The following ELOVL2 variants were observed in gnomAD, a reference collection of about 807,000 sequenced individuals.
ELOVL2 encodes ELOVL fatty acid elongase 2.
Under a neutral mutation model 37.7 loss-of-function variants are expected in ELOVL2, and 38 were observed. The ratio of observed to expected loss-of-function variants is 1.01; its 90% CI spans 0.78 to 1.32. ELOVL2 has a LOEUF of 1.32. ELOVL2 is among the 40% of genes most tolerant of loss of function. The pLI is 0.00. For synonymous variants in ELOVL2, 115 were observed against 122.3 expected, an observed-to-expected ratio of 0.94 and a Z score of 0.40; for missense variants, 352 against 363.6, an observed-to-expected ratio of 0.97 and a Z score of 0.26.
chr6:11,039,888 G>GAT (rs1783073142), intron 1 of ELOVL2, among the ~76,000 whole-genome samples: 2 of 152,128 alleles, frequency 1.3e-5, no homozygotes, highest in Non-Finnish European at 2.9e-5. Flanking sequence ...CTGACAACAT[G>GAT]AAAAAGGGCT....
At chr6:10,983,980 T>G (rs1217738685) in intron 7 of ELOVL2, 74 bp from the exon 8 acceptor site, 2 of 1,305,774 alleles carry the variant, frequency 1.5e-6, no homozygotes. Context: ...ACAGTGCATA[T>G]AGTTAAAACA....
chr6:10,987,248 T>C, intron 7 of ELOVL2, among the ~76,000 whole-genome samples: 1 of 152,216 alleles, frequency 6.6e-6, no homozygotes. Flanking sequence ...TTTTCTTCTT[T>C]ATTAGTCTTG....
Position 10,995,066 on chromosome 6 carries a change from T to A in ELOVL2, c.446A>T (p.His149Leu), listed in dbSNP as rs755762314. 1 of 1,613,136 alleles carries A rather than the reference T, an allele frequency of 6.2e-7. No homozygotes were observed. The highest frequency in any genetic ancestry group is 2.2e-5 in the East Asian group (1 of 44,876). ...CCAGATGTTAAACATAGAAGCATGA[T>A]GATATACATGAAGAAAAGTAATCTG... ...TSQITFLHVY[H>L]HASMFNIWWC... The change falls in exon 5 of 8, where the codon CAT (histidine) becomes CTT (leucine). Residue 149 changes from histidine to leucine, a missense_variant. Physicochemically the swap from His to Leu is moderately conservative, Grantham distance 99. Transcript: ENST00000354666.
At position 11,044,081 on chromosome 6, in the gene ELOVL2, G is replaced by T; in HGVS notation, c.3+147C>A. 3.7e-6 allele frequency: 4 copies of T among 1,076,930 alleles called. No homozygotes were observed. The highest frequency in any genetic ancestry group is 4.8e-6 in the Non-Finnish European group (4 of 830,774). The allele number at this position is 1,076,930 out of a possible 1,614,324, so 66.7% of individuals were successfully genotyped here. Reference sequence around the variant, plus strand: ...AGCTCCCGCTCCCCAGGCCCGCGCGGACCCGGCCCCTCCGAGGGTAGCGGG... The same window carrying T: ...AGCTCCCGCTCCCCAGGCCCGCGCGTACCCGGCCCCTCCGAGGGTAGCGGG... On this transcript the variant is annotated intron_variant, in intron 1 of 7. Coordinates refer to ENST00000354666, the MANE Select transcript of ELOVL2 (RefSeq NM_017770.4). The surrounding 1 kb of genome is among the most constrained non-coding windows in gnomAD (Gnocchi z 5.6).
At chr6:10,990,674 C>T (rs890409179) in intron 5 of ELOVL2, among the ~76,000 whole-genome samples, 3 of 40,118 alleles carry the variant, frequency 7.5e-5, no homozygotes, top group Non-Finnish European at 1.5e-4. Flanking sequence ...AATGCCCCCC[C>T]CCCGCCACAC....
chr6:10,991,049 G>T (rs1782150196), intron 5 of ELOVL2, among the ~76,000 whole-genome samples: 2 of 152,174 alleles, frequency 1.3e-5, no homozygotes, highest in African/African-American at 4.8e-5. Context: ...GAGACTTTTA[G>T]GATGAGGGAT....
At chr6:11,025,555 T>C (rs1226132460) in intron 1 of ELOVL2, among the ~76,000 whole-genome samples, 5 of 152,224 alleles carry the variant, frequency 3.3e-5, no homozygotes, top group African/African-American at 7.2e-5. Context: ...GTGTAACTTC[T>C]AGTAGTTTTA....
intron 3 of ELOVL2, among the ~76,000 whole-genome samples, chr6:11,005,046 C>A (rs1782454933): frequency 6.6e-6 from 1 of 152,036 alleles, no homozygotes; most frequent in African/African-American, 2.4e-5. Flanking sequence ...GTAATCCCAG[C>A]TATTCAGGAG....
chr6:11,013,923 A>ACC (rs1782626573), intron 1 of ELOVL2, among the ~76,000 whole-genome samples: 1 of 152,012 alleles, frequency 6.6e-6, no homozygotes, highest in South Asian at 2.1e-4. Flanking sequence ...TATGGCCACA[A>ACC]CTTAGCCTCC....
chr6:10,990,283 C>T (rs762994521), intron 6 of ELOVL2, 35 bp downstream of exon 6: 52 of 1,603,892 alleles, frequency 3.2e-5, no homozygotes, highest in Non-Finnish European at 4.2e-5. Context: ...ATCCATAAGC[C>T]ACATGGAGAA....
At chr6:11,031,397 T>C (rs1157507250) in intron 1 of ELOVL2, among the ~76,000 whole-genome samples, 2 of 152,250 alleles carry the variant, frequency 1.3e-5, no homozygotes, top group Admixed American at 1.3e-4. Flanking sequence ...TTGTTAAATT[T>C]TGCCAAGTTC....
Position 10,988,043 on chromosome 6 carries a change from AG to A in ELOVL2, c.765+1659del, listed in dbSNP as rs200123482. Among the ~76,000 whole-genome samples the A allele has an allele frequency of 3.0e-3, 454 of 152,312 alleles. 3 individuals are homozygous for A. The highest frequency in any genetic ancestry group is 0.021 in the South Asian group (100 of 4,824). On this transcript the variant is annotated intron_variant, in intron 7 of 7. Coordinates refer to ENST00000354666, the MANE Select transcript of ELOVL2 (RefSeq NM_017770.4). Reference sequence around the variant, plus strand: ...GGGCTATACGCTTCTCTTCAACACGAGGTACCAAAATCACTCCCTTAGCTTC... The same window carrying A: ...GGGCTATACGCTTCTCTTCAACACGAGTACCAAAATCACTCCCTTAGCTTC...
intron 4 of ELOVL2, among the ~76,000 whole-genome samples, chr6:10,997,527 A>G (rs1218668101): frequency 6.6e-6 from 1 of 152,216 alleles, no homozygotes; most frequent in African/African-American, 2.4e-5. Flanking sequence ...AACCAATAAC[A>G]GTTCTCTTTG....
intron 3 of ELOVL2, among the ~76,000 whole-genome samples, chr6:11,003,942 G>T (rs182645280): frequency 6.6e-6 from 1 of 152,016 alleles, no homozygotes; most frequent in South Asian, 2.1e-4. Flanking sequence ...AATTAGCCAG[G>T]ATTGGTGGTG....
In ELOVL2 at chr6:11,020,859, C is replaced by G. The variant is rs564214206; in HGVS notation, c.4-10050G>C. On this transcript the variant is annotated intron_variant, in intron 1 of 7. Transcript: ENST00000354666. ...TTATCATTACAAGTGTGGTTACTGT[C>G]ACTATTATCAATGTTTAAATATGAT... Among the ~76,000 whole-genome samples, 7 of 152,264 alleles carry G rather than the reference C, an allele frequency of 4.6e-5. No homozygotes were observed. In the South Asian group the frequency reaches 1.4e-3, roughly 32 times the overall value.
chr6:11,005,350 C>T lies in ELOVL2; in HGVS notation c.255+22G>A, dbSNP rs764696497. On this transcript the variant is annotated intron_variant, in intron 3 of 7. Coordinates refer to ENST00000354666, the MANE Select transcript of ELOVL2 (RefSeq NM_017770.4). ...AAAACTGCTAGTTACTGGACTTCAG[C>T]TTTGGCTACATAAACACTTACCTCT... The T allele has an allele frequency of 1.9e-6, 3 of 1,599,524 alleles. No individual in the cohort carries two copies. In the Admixed American group the frequency reaches 5.2e-5, roughly 28 times the overall value.
intron 7 of ELOVL2, among the ~76,000 whole-genome samples, chr6:10,986,117 A>G (rs916485839): frequency 1.3e-5 from 2 of 152,142 alleles, no homozygotes; most frequent in African/African-American, 4.8e-5. Context: ...GCAATTGTGA[A>G]TGGGAGTTCA....
chr6:11,041,821 T>C (rs188838280), intron 1 of ELOVL2, among the ~76,000 whole-genome samples: 49 of 152,294 alleles, frequency 3.2e-4, no homozygotes, highest in African/African-American at 8.7e-4. Flanking sequence ...TAAATCCACA[T>C]TATAGAAAAA....
intron 2 of ELOVL2, among the ~76,000 whole-genome samples, chr6:11,007,940 A>G (rs372437352): frequency 3.3e-5 from 5 of 152,270 alleles, no homozygotes; most frequent in African/African-American, 9.6e-5. Flanking sequence ...AAGGATAATC[A>G]TAGTTGTTTT....
Sources: allele counts gnomAD v4.1 joint callset (sites outside exome capture counted in the v4.1 genomes callset), GRCh38; gene constraint gnomAD v4.1.1; non-coding constraint Gnocchi (gnomAD v3.1); transcripts MANE v1.5; gene names NCBI Gene and HGNC (gene_info 2026-07-23, HGNC 2026-07-21).